The following ALDH7A1 variants were observed in gnomAD, a reference collection of about 807,000 sequenced individuals.
ALDH7A1 encodes the protein aldehyde dehydrogenase 7 family member A1.
In ALDH7A1, 63 loss-of-function variants were observed where a neutral mutation model predicts 79.9. The observed-to-expected ratio is 0.79, with a 90% CI of 0.64 to 0.97. The LOEUF (loss-of-function observed/expected upper bound fraction) is 0.97. Among genes scored for constraint, ALDH7A1 ranks in the 50% least tolerant of loss-of-function variants. The pLI is 0.00. For missense variants in ALDH7A1, 627 were observed against 665.2 expected, an observed-to-expected ratio of 0.94 and a Z score of 0.63; for synonymous variants, 240 against 231.2, an observed-to-expected ratio of 1.04 and a Z score of -0.34.
At chr5:126,573,859 T>G (rs1256748168) in intron 7 of ALDH7A1, among the ~76,000 whole-genome samples, 2 of 136,582 alleles carry the variant, frequency 1.5e-5, no homozygotes, top group Admixed American at 1.5e-4. Flanking sequence ...AGAGCAAGAC[T>G]CTGTCTTTAA....
chr5:126,581,937 C>G, intron 5 of ALDH7A1: 1 of 350,676 alleles, frequency 2.9e-6, no homozygotes, highest in Non-Finnish European at 5.1e-6. Flanking sequence ...AAGATCGCGC[C>G]ACTGCACTCC....
At chr5:126,568,574 G>C (rs1416850166) in intron 8 of ALDH7A1, 1 of 554,002 alleles carries the variant, frequency 1.8e-6, no homozygotes, top group East Asian at 3.2e-5. Context: ...GTGAGCATTT[G>C]AATAGAAATC....
intron 3 of ALDH7A1, among the ~76,000 whole-genome samples, chr5:126,589,649 C>T (rs1257414454): frequency 2.0e-5 from 3 of 151,970 alleles, no homozygotes; most frequent in Non-Finnish European, 2.9e-5. Context: ...CCTGCCACTC[C>T]GTCTGGGAAG....
At chr5:126,565,628 C>T (rs1750556430) in intron 9 of ALDH7A1, among the ~76,000 whole-genome samples, 1 of 152,116 alleles carries the variant, frequency 6.6e-6, no homozygotes. Context: ...ACTAATTTGT[C>T]TTTTAATTGT....
chr5:126,561,251 C>A, intron 9 of ALDH7A1, 127 bp from the exon 10 acceptor site: 2 of 697,570 alleles, frequency 2.9e-6, no homozygotes, highest in Non-Finnish European at 2.4e-6. Flanking sequence ...TAGCCTATCC[C>A]AATCATATAG....
chr5:126,586,746 G>A (rs937924387), intron 3 of ALDH7A1: 2 of 152,450 alleles, frequency 1.3e-5, no homozygotes, highest in African/African-American at 2.4e-5. Flanking sequence ...GGGGTTAGAG[G>A]GGTACAGAGC....
At chr5:126,593,329 A>G (rs1474121711) in intron 2 of ALDH7A1, 22 bp downstream of exon 2, 3 of 1,611,030 alleles carry the variant, frequency 1.9e-6, no homozygotes, top group Middle Eastern at 3.9e-4. Context: ...ACACACACAC[A>G]CACACACACA....
rs577731709 is a variant in ALDH7A1 at position 126,550,774 on chromosome 5, C to T, written c.1318-481G>A. ...AAAATTATATTCTCTAGTCCCCATA[C>T]GTGAAACAATGATAGGCAATTTAAA... On this transcript the variant is annotated intron_variant, in intron 14 of 17. Transcript: ENST00000409134. 1.1e-4 allele frequency among the ~76,000 whole-genome samples: 17 copies of T among 152,272 alleles called. No homozygotes were observed. The South Asian group carries it at 1.5e-3, about 13-fold the overall frequency.
At position 126,594,962 on chromosome 5, in the gene ALDH7A1, G is replaced by C. The variant is rs773608634; in HGVS notation, c.192+45C>G. 23 of 1,554,054 alleles carry C rather than the reference G, an allele frequency of 1.5e-5. No individual in the cohort carries two copies. In the South Asian group the frequency reaches 1.7e-4, roughly 11 times the overall value. ...AGGTCAGTGCCCGCCCGGCCTCCTC[G>C]AGCGAGCCCCGGCGGCTGCAGAGAT... is the stretch of plus-strand genomic sequence containing the variant. On this transcript the variant is annotated intron_variant, in intron 1 of 17. Transcript: ENST00000409134.
At chr5:126,577,943 T>C (rs77171163) in intron 5 of ALDH7A1, among the ~76,000 whole-genome samples, 2,652 of 151,154 alleles carry the variant, frequency 0.018, 77 homozygotes, top group African/African-American at 0.052. Flanking sequence ...CATTTATTGG[T>C]GGAAGATGGG....
chr5:126,588,582 G>T (rs536642872), intron 3 of ALDH7A1: 2 of 152,140 alleles, frequency 1.3e-5, no homozygotes, highest in Non-Finnish European at 2.9e-5. Flanking sequence ...TACAATAGAC[G>T]TTTCTAGTCA....
At chr5:126,548,693 C>A (rs1205584380) in intron 16 of ALDH7A1, among the ~76,000 whole-genome samples, 1 of 151,972 alleles carries the variant, frequency 6.6e-6, no homozygotes, top group East Asian at 1.9e-4. Context: ...TCCCAAAGTG[C>A]CAGGATTTCA....
chr5:126,592,459 T>G (rs1201396669), intron 3 of ALDH7A1: 2 of 594,662 alleles, frequency 3.4e-6, no homozygotes, highest in Non-Finnish European at 5.9e-6. Context: ...ATTCAATGAA[T>G]GGCAAGTACA....
At chr5:126,567,785 T>TC in intron 9 of ALDH7A1, 1 of 147,640 alleles carries the variant, frequency 6.8e-6, no homozygotes, top group Non-Finnish European at 1.3e-5. Flanking sequence ...ATTTTTTTTT[T>TC]TCTTTTTTTT....
rs1750933862 is a variant in ALDH7A1, at chr5:126,575,476, T to C, written c.651-12A>G. ...TTGGAGCTCCTTTCCTTAAGAAGGT[T>C]AAAACAAAAAAAGAAAAAGAAAAAC... On this transcript the variant is annotated splice_polypyrimidine_tract_variant and intron_variant, in intron 6 of 17. Coordinates refer to ENST00000409134, the MANE Select transcript of ALDH7A1 (RefSeq NM_001182.5). The C allele has an allele frequency of 1.4e-5, 23 of 1,608,200 alleles. No homozygotes were observed. Among genetic ancestry groups the C allele is most frequent in the Non-Finnish European group, 1.8e-5 (21 of 1,177,994 alleles).
intron 3 of ALDH7A1, among the ~76,000 whole-genome samples, chr5:126,590,521 T>C (rs960005455): frequency 2.6e-5 from 4 of 152,074 alleles, no homozygotes; most frequent in Admixed American, 1.3e-4. Flanking sequence ...ATCACACCAC[T>C]GCAGAGTGAC....
intron 9 of ALDH7A1, 125 bp downstream of exon 9, chr5:126,568,134 G>T: frequency 2.3e-6 from 2 of 859,662 alleles, no homozygotes; most frequent in Admixed American, 1.9e-5. Context: ...CTTTTACTTA[G>T]ACATTCAAAT....
Position 126,568,287 on chromosome 5 carries a change from C to A in ALDH7A1, c.843G>T (p.Gln281His). The A allele has an allele frequency of 6.2e-7, 1 of 1,614,152 alleles. No homozygotes were observed. Among genetic ancestry groups the A allele is most frequent in the Non-Finnish European group, 8.5e-7 (1 of 1,180,014 alleles). ...ACCTCTCCTGCACCATCAGGCCCACCTGTTTTCCCACCTGAGTGCTCCCAG... is the reference window on the plus strand; with the variant it reads ...ACCTCTCCTGCACCATCAGGCCCACATGTTTTCCCACCTGAGTGCTCCCAG... ...SFTGSTQVGK[Q>H]VGLMVQERFG... The change falls in exon 9 of 18, where the codon CAG becomes CAT. Residue 281 changes from glutamine (Q) to histidine (H), a missense_variant. By Grantham distance (24) the Gln-to-His change is conservative. Coordinates refer to ENST00000409134, the MANE Select transcript of ALDH7A1 (RefSeq NM_001182.5).
At chr5:126,555,672 A>C (rs1750166929) in intron 12 of ALDH7A1, among the ~76,000 whole-genome samples, 1 of 152,086 alleles carries the variant, frequency 6.6e-6, no homozygotes, top group African/African-American at 2.4e-5. Context: ...GGCTTGGACA[A>C]GGGTAATAGT....
Sources: gnomAD v4.1 joint callset for allele counts (sites outside exome capture counted in the v4.1 genomes callset) on GRCh38, gnomAD v4.1.1 for gene constraint, MANE v1.5 for transcripts, NCBI Gene and HGNC (gene_info 2026-07-23, HGNC 2026-07-21) for gene names.